PTPRD: variants seen among roughly 807,000 people sequenced by gnomAD.
PTPRD encodes receptor-type tyrosine-protein phosphatase delta.
Under a neutral mutation model 214.5 loss-of-function variants are expected in PTPRD, and 34 were observed. The ratio of observed to expected loss-of-function variants is 0.16; its 90% CI spans 0.12 to 0.21. PTPRD has a LOEUF of 0.21. Ranked by LOEUF, PTPRD falls within the 10% of genes least tolerant of loss-of-function variation. The probability of loss-of-function intolerance (pLI) is 1.00; values close to 1 mark genes in which losing one functional copy is unlikely to be tolerated. For synonymous variants in PTPRD, 1,128 were observed against 845.7 expected, an observed-to-expected ratio of 1.33 and a Z score of -5.79; for missense variants, 2,545 against 2,398.7, an observed-to-expected ratio of 1.06 and a Z score of -1.27.
At chr9:8,814,954 T>C (rs995103804) in intron 11 of PTPRD, among the ~76,000 whole-genome samples, 1 of 152,166 alleles carries the variant, frequency 6.6e-6, no homozygotes, top group African/African-American at 2.4e-5. Context: ...AGAACAAATG[T>C]GCAAATTTTG....
At chr9:10,405,166 A>G (rs1480549449) in intron 2 of PTPRD, among the ~76,000 whole-genome samples, 2 of 151,614 alleles carry the variant, frequency 1.3e-5, no homozygotes, top group African/African-American at 2.4e-5. Flanking sequence ...CCTTCCAAAA[A>G]AGGAACTGGG....
At chr9:10,134,751 G>C (rs1173674697) in intron 3 of PTPRD, among the ~76,000 whole-genome samples, 1 of 152,040 alleles carries the variant, frequency 6.6e-6, no homozygotes, top group Non-Finnish European at 1.5e-5. Context: ...GAAAAGATAA[G>C]GGAACAGCAT....
intron 12 of PTPRD, among the ~76,000 whole-genome samples, chr9:8,724,326 T>C (rs937871377): frequency 1.3e-5 from 2 of 152,226 alleles, no homozygotes; most frequent in African/African-American, 4.8e-5. Context: ...AGTTTTAGAA[T>C]AATGCTTCTT....
At chr9:9,324,679 G>T (rs906150942) in intron 9 of PTPRD, among the ~76,000 whole-genome samples, 4 of 152,208 alleles carry the variant, frequency 2.6e-5, no homozygotes, top group Admixed American at 2.6e-4. Flanking sequence ...TTGCTGTGCA[G>T]AAGCTCTTTA....
At chr9:10,342,351 C>G (rs1227140602) in intron 2 of PTPRD, among the ~76,000 whole-genome samples, 1 of 152,084 alleles carries the variant, frequency 6.6e-6, no homozygotes, top group Non-Finnish European at 1.5e-5. Flanking sequence ...AATAAGCACT[C>G]TAATAGCTCT....
At chr9:10,060,345 T>G (rs941412176) in intron 3 of PTPRD, among the ~76,000 whole-genome samples, 5 of 152,172 alleles carry the variant, frequency 3.3e-5, no homozygotes, top group African/African-American at 1.2e-4. Context: ...GCAAATTCAC[T>G]CAGATACATT....
chr9:9,508,385 G>A (rs1351936545), intron 8 of PTPRD, among the ~76,000 whole-genome samples: 1 of 151,546 alleles, frequency 6.6e-6, no homozygotes, highest in African/African-American at 2.4e-5. Context: ...GACCTTTCGT[G>A]AGTAGAAATT....
At chr9:10,354,109 A>G (rs2097228016) in intron 2 of PTPRD, among the ~76,000 whole-genome samples, 1 of 152,088 alleles carries the variant, frequency 6.6e-6, no homozygotes, top group Admixed American at 6.6e-5. Context: ...CTCAAGTACT[A>G]GCCATTTAAT....
chr9:9,003,078 T>C (rs1484156472), intron 11 of PTPRD, among the ~76,000 whole-genome samples: 1 of 152,032 alleles, frequency 6.6e-6, no homozygotes, highest in Non-Finnish European at 1.5e-5. Flanking sequence ...CACTGGATCA[T>C]CGCCCCTTTC....
At chr9:9,411,566 G>C (rs968132479) in intron 8 of PTPRD, among the ~76,000 whole-genome samples, 1 of 152,114 alleles carries the variant, frequency 6.6e-6, no homozygotes, top group South Asian at 2.1e-4. Context: ...TAAACATGAA[G>C]TGGAAATAGC....
At chr9:10,427,830 A>G (rs951657562) in intron 2 of PTPRD, among the ~76,000 whole-genome samples, 1 of 152,070 alleles carries the variant, frequency 6.6e-6, no homozygotes, top group Non-Finnish European at 1.5e-5. Flanking sequence ...GCCTACCTCC[A>G]TGTGAATTAT....
intron 3 of PTPRD, among the ~76,000 whole-genome samples, chr9:10,323,676 G>A (rs1045682957): frequency 4.0e-5 from 6 of 151,830 alleles, no homozygotes; most frequent in African/African-American, 1.4e-4. Flanking sequence ...GATAATAAAT[G>A]TCATCTGTTT....
chr9:9,941,488 A>G (rs1385228584), intron 4 of PTPRD, among the ~76,000 whole-genome samples: 1 of 152,070 alleles, frequency 6.6e-6, no homozygotes, highest in Non-Finnish European at 1.5e-5. Flanking sequence ...ACGCCTGGGT[A>G]ATTTTTGTAT....
intron 11 of PTPRD, among the ~76,000 whole-genome samples, chr9:8,779,125 C>A (rs2095597757): frequency 6.6e-6 from 1 of 152,136 alleles, no homozygotes; most frequent in South Asian, 2.1e-4. Context: ...TCCCTTTATA[C>A]CCTGATGGAA....
chr9:8,658,494 A>G (rs1188900891), intron 12 of PTPRD, among the ~76,000 whole-genome samples: 1 of 152,128 alleles, frequency 6.6e-6, no homozygotes, highest in Admixed American at 6.6e-5. Context: ...ATCAAGAAAG[A>G]TATTTTTCTA....
At chr9:8,848,944 C>T (rs2097760465) in intron 11 of PTPRD, among the ~76,000 whole-genome samples, 2 of 125,722 alleles carry the variant, frequency 1.6e-5, no homozygotes, top group South Asian at 4.9e-4. Flanking sequence ...GAGCAGAATG[C>T]CTGGCATATA....
At chr9:8,680,686 A>G (rs2097533997) in intron 12 of PTPRD, among the ~76,000 whole-genome samples, 1 of 152,158 alleles carries the variant, frequency 6.6e-6, no homozygotes, top group Admixed American at 6.5e-5. Context: ...ATACATAAAC[A>G]CACATACACA....
chr9:10,293,512 A>T (rs571627011), intron 3 of PTPRD, among the ~76,000 whole-genome samples: 1 of 151,968 alleles, frequency 6.6e-6, no homozygotes, highest in Non-Finnish European at 1.5e-5. Flanking sequence ...TAGGATATTA[A>T]ATCATGTTAG....
rs569658131 is a variant in PTPRD at position 9,865,447 on chromosome 9, G to A, written c.-368+73060C>T. 2.6e-5 allele frequency among the ~76,000 whole-genome samples: 4 copies of A among 152,268 alleles called. No individual in the cohort carries two copies. The South Asian group carries it at 8.3e-4, about 32-fold the overall frequency. Reference sequence around the variant, plus strand: ...CAGAAGCCTTTGCTAACATATAAGCGTGCTCAGCCCCTTTGCCATGTGACA... The same window carrying A: ...CAGAAGCCTTTGCTAACATATAAGCATGCTCAGCCCCTTTGCCATGTGACA... On this transcript the variant is annotated intron_variant, in intron 5 of 45. Coordinates refer to ENST00000381196, the MANE Select transcript of PTPRD (RefSeq NM_002839.4).
Sources: allele counts gnomAD v4.1 joint callset (sites outside exome capture counted in the v4.1 genomes callset), GRCh38; gene constraint gnomAD v4.1.1; transcripts MANE v1.5; gene names NCBI Gene and HGNC (gene_info 2026-07-23, HGNC 2026-07-21).